Variants in MACROD2 observed in about 807,000 individuals in gnomAD.
The protein encoded by MACROD2 is mono-ADP ribosylhydrolase 2.
A neutral mutation model predicts 70.4 loss-of-function variants in MACROD2; 36 were observed. That is an observed-to-expected ratio of 0.51 (90% CI 0.39 to 0.68). The LOEUF (loss-of-function observed/expected upper bound fraction) is 0.68, where lower values mean the gene tolerates loss of function less well. Ranked by LOEUF, MACROD2 falls within the 30% of genes least tolerant of loss-of-function variation. MACROD2 has a pLI of 0.00. For synonymous variants in MACROD2, 172 were observed against 178.8 expected (o/e 0.96, Z 0.30); for missense variants, 496 against 538.4 (o/e 0.92, Z 0.78).
At chr20:14,669,336 T>C (rs2070770268) in intron 4 of MACROD2, among the ~76,000 whole-genome samples, 1 of 152,162 alleles carries the variant, frequency 6.6e-6, no homozygotes. Flanking sequence ...TTTTTGCAAA[T>C]ATACATACAC....
At chr20:15,779,888 A>G (rs1378551423) in intron 8 of MACROD2, among the ~76,000 whole-genome samples, 2 of 152,124 alleles carry the variant, frequency 1.3e-5, no homozygotes, top group South Asian at 2.1e-4. Context: ...AGCCTTATTG[A>G]TGTTTTGTAT....
At chr20:14,678,485 G>T (rs962133020) in intron 4 of MACROD2, among the ~76,000 whole-genome samples, 1 of 152,018 alleles carries the variant, frequency 6.6e-6, no homozygotes, top group Non-Finnish European at 1.5e-5. Flanking sequence ...TATATTTTTG[G>T]TATGATAAGA....
intron 6 of MACROD2, among the ~76,000 whole-genome samples, chr20:15,414,379 G>C (rs1462084635): frequency 6.6e-6 from 1 of 152,158 alleles, no homozygotes; most frequent in Non-Finnish European, 1.5e-5. Flanking sequence ...AGATCCTCTG[G>C]TGGCTTGTCT....
intron 5 of MACROD2, among the ~76,000 whole-genome samples, chr20:14,689,746 C>A (rs2071041481): frequency 1.3e-5 from 2 of 152,316 alleles, no homozygotes; most frequent in South Asian, 4.1e-4. Context: ...TTTCTTCACA[C>A]TCCAGAATAC....
chr20:15,196,382 T>C (rs2076606739), intron 5 of MACROD2, among the ~76,000 whole-genome samples: 1 of 152,190 alleles, frequency 6.6e-6, no homozygotes, highest in Non-Finnish European at 1.5e-5. Flanking sequence ...AGTAAGATGT[T>C]AAAATCAGTC....
At chr20:14,312,317 G>A (rs865869699) in intron 3 of MACROD2, among the ~76,000 whole-genome samples, 6 of 152,284 alleles carry the variant, frequency 3.9e-5, no homozygotes, top group Admixed American at 6.5e-5. Context: ...TGATCAATGC[G>A]TAATTGCATG....
intron 3 of MACROD2, among the ~76,000 whole-genome samples, chr20:14,462,895 TCTC>T (rs1160278031): frequency 6.6e-6 from 1 of 152,020 alleles, no homozygotes; most frequent in Admixed American, 6.6e-5. Flanking sequence ...TTGGTCTATA[TCTC>T]TGTTTTGGTA....
At chr20:15,581,704 G>A (rs1467780585) in intron 8 of MACROD2, among the ~76,000 whole-genome samples, 1 of 152,196 alleles carries the variant, frequency 6.6e-6, no homozygotes, top group African/African-American at 2.4e-5. Context: ...GTGTATTTGA[G>A]GTCACAGGAG....
At chr20:15,778,027 T>C (rs2051762848) in intron 8 of MACROD2, among the ~76,000 whole-genome samples, 1 of 152,170 alleles carries the variant, frequency 6.6e-6, no homozygotes, top group South Asian at 2.1e-4. Flanking sequence ...TATGTATTGA[T>C]TGTTTGCTAT....
intron 4 of MACROD2, among the ~76,000 whole-genome samples, chr20:14,632,996 G>T (rs2123476312): frequency 6.6e-6 from 1 of 152,362 alleles, no homozygotes; most frequent in African/African-American, 2.4e-5. Context: ...TGTTCTGGAG[G>T]TCAGAAGTCT....
intron 8 of MACROD2, among the ~76,000 whole-genome samples, chr20:15,622,628 C>T (rs1208314094): frequency 6.6e-6 from 1 of 152,158 alleles, no homozygotes; most frequent in African/African-American, 2.4e-5. Context: ...GAACAGTGTG[C>T]AATTTAAAGC....
chr20:15,831,952 T>C (rs767227673), intron 8 of MACROD2, among the ~76,000 whole-genome samples: 1 of 152,234 alleles, frequency 6.6e-6, no homozygotes, highest in Non-Finnish European at 1.5e-5. Context: ...GAAAATGTTA[T>C]CTAAATGTCA....
At chr20:14,758,878 A>G (rs1432002949) in intron 5 of MACROD2, among the ~76,000 whole-genome samples, 2 of 152,052 alleles carry the variant, frequency 1.3e-5, no homozygotes, top group African/African-American at 2.4e-5. Context: ...TTCTCTCTTT[A>G]GGTTGGCTTC....
intron 10 of MACROD2, among the ~76,000 whole-genome samples, chr20:15,899,597 T>C (rs886717178): frequency 2.0e-5 from 3 of 152,212 alleles, no homozygotes; most frequent in African/African-American, 7.2e-5. Flanking sequence ...CAAACAGTAA[T>C]TTTCTACATA....
At chr20:15,072,201 A>G (rs919126624) in intron 5 of MACROD2, among the ~76,000 whole-genome samples, 1 of 152,212 alleles carries the variant, frequency 6.6e-6, no homozygotes, top group African/African-American at 2.4e-5. Context: ...CAATTTATCT[A>G]CAATGATTCC....
intron 7 of MACROD2, among the ~76,000 whole-genome samples, chr20:15,433,939 T>C (rs1883464689): frequency 6.6e-6 from 1 of 151,730 alleles, no homozygotes; most frequent in Non-Finnish European, 1.5e-5. Context: ...AAAACATAAA[T>C]TGGGGAAAGG....
rs141753258 is a variant in MACROD2 at position 14,306,318 on chromosome 20, A to G, written c.272-187161A>G. Among the ~76,000 whole-genome samples, 1,142 of 152,156 alleles carry G rather than the reference A, an allele frequency of 7.5e-3. 7 individuals carry two copies. Among genetic ancestry groups the G allele is most frequent in the Non-Finnish European group, 0.012 (821 of 67,966 alleles). On this transcript the variant is annotated intron_variant, in intron 3 of 17. Coordinates refer to ENST00000684519, the MANE Select transcript of MACROD2 (RefSeq NM_001351661.2). ...CCTTGGTAAGAAAGTCATATGTGTCATTATTCAAGTTATTGATAAAAAGCT... is the reference window on the plus strand; with the variant it reads ...CCTTGGTAAGAAAGTCATATGTGTCGTTATTCAAGTTATTGATAAAAAGCT...
intron 8 of MACROD2, among the ~76,000 whole-genome samples, chr20:15,760,211 C>T (rs2051415625): frequency 6.6e-6 from 1 of 152,092 alleles, no homozygotes; most frequent in Non-Finnish European, 1.5e-5. Flanking sequence ...CGAAAATGAC[C>T]CAGAGCTGCT....
At chr20:16,006,650 G>A (rs1442301309) in intron 15 of MACROD2, among the ~76,000 whole-genome samples, 1 of 152,138 alleles carries the variant, frequency 6.6e-6, no homozygotes, top group Non-Finnish European at 1.5e-5. Context: ...GATTGTTGGT[G>A]GGATGTTAAG....
Sources: allele counts gnomAD v4.1 joint callset (sites outside exome capture counted in the v4.1 genomes callset), GRCh38; gene constraint gnomAD v4.1.1; transcripts MANE v1.5; gene names NCBI Gene and HGNC (gene_info 2026-07-23, HGNC 2026-07-21).